TIPRL: variants seen among roughly 807,000 people sequenced by gnomAD.
TIPRL encodes TIP41-like protein.
A neutral mutation model predicts 32.3 loss-of-function variants in TIPRL; 10 were observed. The ratio of observed to expected loss-of-function variants is 0.31; its 90% CI spans 0.19 to 0.52. The LOEUF (loss-of-function observed/expected upper bound fraction) is 0.52, where lower values mean the gene tolerates loss of function less well. Among genes scored for constraint, TIPRL ranks in the 20% least tolerant of loss-of-function variants. The pLI, the probability that TIPRL is intolerant of heterozygous loss-of-function variation, is 0.96. For synonymous variants in TIPRL, 100 were observed against 114.0 expected (o/e 0.88, Z 0.78); for missense variants, 250 against 328.1 (o/e 0.76, Z 1.84).
intron 1 of TIPRL, among the ~76,000 whole-genome samples, chr1:168,180,560 G>T (rs183227022): frequency 1.7e-4 from 26 of 152,270 alleles, no homozygotes; most frequent in African/African-American, 6.0e-4. Context: ...CAGAGGAAAA[G>T]GTCATAAAAT....
At chr1:168,179,944 G>A (rs1699939867) in intron 1 of TIPRL, among the ~76,000 whole-genome samples, 1 of 152,148 alleles carries the variant, frequency 6.6e-6, no homozygotes, top group Non-Finnish European at 1.5e-5. Flanking sequence ...ATTGGAGCGT[G>A]AGGTACCATA....
chr1:168,183,443 A>T (rs1170044567), intron 1 of TIPRL, among the ~76,000 whole-genome samples: 1 of 144,098 alleles, frequency 6.9e-6, no homozygotes, highest in East Asian at 2.0e-4. Flanking sequence ...TCCTTCTGAA[A>T]GTCTGTGTAG....
At chr1:168,189,178 G>A (rs1173494196) in intron 3 of TIPRL, among the ~76,000 whole-genome samples, 2 of 152,178 alleles carry the variant, frequency 1.3e-5, no homozygotes, top group Non-Finnish European at 2.9e-5. Context: ...GCCAAGTACA[G>A]ACTTACTTTT....
chr1:168,191,644 G>A, intron 4 of TIPRL, 144 bp downstream of exon 4: 1 of 586,128 alleles, frequency 1.7e-6, no homozygotes, highest in Non-Finnish European at 2.5e-6. Context: ...GGCTGAGGCG[G>A]GCTGGATCGC....
At chr1:168,195,885 T>C (rs1459851043) in intron 4 of TIPRL, among the ~76,000 whole-genome samples, 1 of 152,154 alleles carries the variant, frequency 6.6e-6, no homozygotes, top group Non-Finnish European at 1.5e-5. Flanking sequence ...ACATATTCAT[T>C]TTAAAGACCC....
chr1:168,191,154 G>A (rs1026751730), intron 3 of TIPRL, among the ~76,000 whole-genome samples: 2 of 152,086 alleles, frequency 1.3e-5, no homozygotes, highest in African/African-American at 4.8e-5. Flanking sequence ...TTTTTGTGAA[G>A]CTATAATATT....
intron 4 of TIPRL, chr1:168,192,499 T>G: frequency 3.7e-6 from 3 of 803,416 alleles, no homozygotes; most frequent in South Asian, 1.1e-4. Flanking sequence ...AAATGCCTCA[T>G]TCTTTAAGAC....
rs143199259 is a variant in TIPRL at position 168,182,846 on chromosome 1, T to C, written c.105-1056T>C. 4.5e-3 allele frequency among the ~76,000 whole-genome samples: 679 copies of C among 152,376 alleles called. 6 individuals carry two copies. Among genetic ancestry groups the C allele is most frequent in the African/African-American group, 0.016 (657 of 41,592 alleles). On this transcript the variant is annotated intron_variant, in intron 1 of 6. Coordinates refer to ENST00000367833, the MANE Select transcript of TIPRL (RefSeq NM_152902.5). ...TTAAAACTTATTTTATGGAATCTTA[T>C]GGAATATATATTCCAATTACAGTTT...
At chr1:168,199,345 G>A (rs776302665) in intron 6 of TIPRL, among the ~76,000 whole-genome samples, 3 of 151,950 alleles carry the variant, frequency 2.0e-5, no homozygotes, top group African/African-American at 4.8e-5. Context: ...TTTCTCTTCC[G>A]AAAATGTGGT....
chr1:168,200,147 CAG>C lies in TIPRL; in HGVS notation c.*103_*104del, dbSNP rs745665101. On this transcript the variant is annotated 3_prime_UTR_variant, in exon 7 of 7. Transcript: ENST00000367833. ...GAGAATTAATTGCCTTGTTTATGTA[CAG>C]ATTTTCTGTAGCCTTAAAGGAAAAA... 2.3e-6 allele frequency: 3 copies of C among 1,315,956 alleles called. No individual in the cohort carries two copies. Among genetic ancestry groups the C allele is most frequent in the Non-Finnish European group, 3.1e-6 (3 of 980,432 alleles). 81.5% of individuals were successfully genotyped at this position (1,315,956 alleles called of 1,614,324 possible). A position where few individuals can be genotyped will look rare whatever the true frequency, so the allele number is the denominator to read the frequency against.
intron 6 of TIPRL, among the ~76,000 whole-genome samples, chr1:168,199,189 A>G (rs894731717): frequency 6.6e-6 from 1 of 152,168 alleles, no homozygotes; most frequent in Non-Finnish European, 1.5e-5. Flanking sequence ...TAGGTACTTA[A>G]GCCTCATCTA....
chr1:168,181,847 G>A (rs1398932534), intron 1 of TIPRL, among the ~76,000 whole-genome samples: 1 of 151,424 alleles, frequency 6.6e-6, no homozygotes, highest in Admixed American at 6.6e-5. Flanking sequence ...GATCACCTGA[G>A]GTCAGGAGTT....
At chr1:168,199,509 A>G (rs141546136) in intron 6 of TIPRL, among the ~76,000 whole-genome samples, 37 of 152,240 alleles carry the variant, frequency 2.4e-4, no homozygotes, top group Admixed American at 7.2e-4. Flanking sequence ...TTTCACGCTT[A>G]GTATGTACTT....
chr1:168,190,771 G>A (rs1195737251), intron 3 of TIPRL, among the ~76,000 whole-genome samples: 1 of 152,168 alleles, frequency 6.6e-6, no homozygotes, highest in African/African-American at 2.4e-5. Context: ...GATTACGTGT[G>A]TGCATGTCTT....
Position 168,198,980 on chromosome 1 carries a change from T to C in TIPRL, c.674T>C (p.Met225Thr), listed in dbSNP as rs1240230319. ...CGAGAAAGCAAAATTTCTAGTTTGA[T>C]GGCAAGTACTTAAATTTCAGTTTTT... ...TSRESKISSLMHVPPSLFTEP... is the reference protein window; with the variant it reads ...TSRESKISSLTHVPPSLFTEP... The change falls in exon 6 of 7, where the codon ATG (methionine) becomes ACG (threonine). Residue 225 changes from methionine to threonine, a missense_variant and splice_region_variant. Coordinates refer to ENST00000367833, the MANE Select transcript of TIPRL (RefSeq NM_152902.5). 1 of 1,608,862 alleles carries C rather than the reference T, an allele frequency of 6.2e-7. No individual in the cohort carries two copies. The highest frequency in any genetic ancestry group is 8.5e-7 in the Non-Finnish European group (1 of 1,176,254).
chr1:168,181,788 C>T (rs1200017573), intron 1 of TIPRL, among the ~76,000 whole-genome samples: 1 of 151,638 alleles, frequency 6.6e-6, no homozygotes, highest in African/African-American at 2.4e-5. Flanking sequence ...AGGCCGGGTG[C>T]GGTGACTCAC....
chr1:168,191,309 GTCTCTGTAGCTCC>G, intron 3 of TIPRL, 47 bp from the exon 4 acceptor site: 1 of 1,432,008 alleles, frequency 7.0e-7, no homozygotes, highest in African/African-American at 1.5e-5. Context: ...GCTTTCCTGT[GTCTCTGTAGCTCC>G]TCAACTTTTT....
chr1:168,181,460 C>T (rs978783367), intron 1 of TIPRL, among the ~76,000 whole-genome samples: 2 of 151,496 alleles, frequency 1.3e-5, no homozygotes, highest in African/African-American at 4.8e-5. Context: ...ATCCACCTGC[C>T]CTCGGCCTCC....
chr1:168,179,201 G>A lies in TIPRL; in HGVS notation c.104+20G>A. 10 of 1,611,700 alleles carry A rather than the reference G, an allele frequency of 6.2e-6. No homozygotes were observed. Among genetic ancestry groups the A allele is most frequent in the Non-Finnish European group, 8.5e-6 (10 of 1,178,230 alleles). On this transcript the variant is annotated intron_variant, in intron 1 of 6. Coordinates refer to ENST00000367833, the MANE Select transcript of TIPRL (RefSeq NM_152902.5). ...GGAGAAGTGAGGCTTCGGGGCACGGGGTCTGGGCGCTGGCCGGTTGCTGGC... is the reference window on the plus strand; with the variant it reads ...GGAGAAGTGAGGCTTCGGGGCACGGAGTCTGGGCGCTGGCCGGTTGCTGGC...
Sources: gnomAD v4.1 joint callset for allele counts (sites outside exome capture counted in the v4.1 genomes callset) on GRCh38, gnomAD v4.1.1 for gene constraint, MANE v1.5 for transcripts, NCBI Gene and HGNC (gene_info 2026-07-23, HGNC 2026-07-21) for gene names.